The following WLS variants were observed in gnomAD, a reference collection of about 807,000 sequenced individuals.
WLS encodes the protein protein wntless homolog.
WLS carries 23 observed loss-of-function variants against 62.8 expected under a neutral mutation model. The ratio of observed to expected loss-of-function variants is 0.37; its 90% CI spans 0.26 to 0.52. The LOEUF (loss-of-function observed/expected upper bound fraction) is 0.52. Among genes scored for constraint, WLS ranks in the 20% least tolerant of loss-of-function variants. The probability of loss-of-function intolerance (pLI) is 0.92; values close to 1 mark genes in which losing one functional copy is unlikely to be tolerated. For missense variants in WLS, 615 were observed against 697.3 expected, an observed-to-expected ratio of 0.88 and a Z score of 1.33; for synonymous variants, 246 against 244.1, an observed-to-expected ratio of 1.01 and a Z score of -0.07.
intron 2 of WLS, among the ~76,000 whole-genome samples, chr1:68,170,816 A>T (rs1445427625): frequency 6.6e-6 from 1 of 151,608 alleles, no homozygotes; most frequent in African/African-American, 2.4e-5. Flanking sequence ...CTCTCTCCCT[A>T]CCCATCTCCT....
intron 2 of WLS, among the ~76,000 whole-genome samples, chr1:68,193,398 TAAAAAAAAAAAAAAAAAAAAA>T (rs904327955): frequency 1.3e-3 from 20 of 15,434 alleles, no homozygotes; most frequent in East Asian, 0.011. Context: ...GCAAATAAGC[TAAAAAAAAAAAAAAAAAAAAA>T]AAAAAAAAAA....
downstream of WLS, among the ~76,000 whole-genome samples, chr1:68,123,767 T>C (rs1206775648): frequency 6.6e-6 from 1 of 152,092 alleles, no homozygotes; most frequent in Admixed American, 6.5e-5. Flanking sequence ...ACTCCTGTTT[T>C]TAAGTGAGAG....
chr1:68,145,046 T>C (rs928554287), intron 9 of WLS, among the ~76,000 whole-genome samples: 3 of 152,226 alleles, frequency 2.0e-5, no homozygotes, highest in Non-Finnish European at 4.4e-5. Context: ...TTAATCAACA[T>C]GAAGTGGATT....
chr1:68,184,926 G>A (rs977256429), intron 2 of WLS, among the ~76,000 whole-genome samples: 1 of 146,690 alleles, frequency 6.8e-6, no homozygotes, highest in South Asian at 2.3e-4. Context: ...TCCGAGTGAG[G>A]GGAAAAACAA....
intron 1 of WLS, among the ~76,000 whole-genome samples, chr1:68,217,293 C>T (rs544089068): frequency 6.6e-6 from 1 of 152,338 alleles, no homozygotes; most frequent in South Asian, 2.1e-4. Context: ...GTGTTAACTT[C>T]TCCCATGCAC....
rs1649359991 is a variant in WLS at position 68,208,171 on chromosome 1, C to T, written c.107-13944G>A. Among the ~76,000 whole-genome samples the T allele has an allele frequency of 3.9e-5, 6 of 152,330 alleles. No homozygotes were observed. The South Asian group carries it at 1.2e-3, about 32-fold the overall frequency. ...TATTTGAGGGAACACAGAATTAACC[C>T]TTGGTTTTATCCTTAGAAAAATGGG... On this transcript the variant is annotated intron_variant, in intron 1 of 11. Transcript: ENST00000262348.
chr1:68,102,986 CT>C (rs5774906), intron 11 of WLS, among the ~76,000 whole-genome samples: 5 of 151,836 alleles, frequency 3.3e-5, no homozygotes, highest in African/African-American at 9.7e-5. Flanking sequence ...GCTCTGAACC[CT>C]TTTTTTTGCC....
chr1:68,226,776 G>A (rs1431258756), intron 1 of WLS, among the ~76,000 whole-genome samples: 1 of 152,176 alleles, frequency 6.6e-6, no homozygotes, highest in Non-Finnish European at 1.5e-5. Flanking sequence ...AATCAGGCAA[G>A]TAGCACACAG....
In WLS at chr1:68,172,290, T is replaced by A. The variant is rs965793788; in HGVS notation, c.380-13043A>T. Among the ~76,000 whole-genome samples the A allele has an allele frequency of 3.5e-5, 5 of 143,586 alleles. No homozygotes were observed. In the Admixed American group the frequency reaches 3.5e-4, roughly 10 times the overall value. The allele number at this position is 143,586 out of a possible 152,430, so 94.2% of individuals were successfully genotyped here. A position where few individuals can be genotyped will look rare whatever the true frequency, so the allele number is the denominator to read the frequency against. ...CAAACCTGCACATTCTGCACATGTATCCCAGAACTTAAAGTATAATTAAAA... is the reference window on the plus strand; with the variant it reads ...CAAACCTGCACATTCTGCACATGTAACCCAGAACTTAAAGTATAATTAAAA... On this transcript the variant is annotated intron_variant, in intron 2 of 11. Coordinates refer to ENST00000262348, the MANE Select transcript of WLS (RefSeq NM_024911.7).
At chr1:68,162,928 C>T in intron 2 of WLS, 1 of 1,581,236 alleles carries the variant, frequency 6.3e-7, no homozygotes, top group South Asian at 1.1e-5. Context: ...GCCACAGTGG[C>T]CAGGTCTTTC....
At chr1:68,132,784 A>G (rs2100405849) in intron 11 of WLS, among the ~76,000 whole-genome samples, 1 of 152,344 alleles carries the variant, frequency 6.6e-6, no homozygotes, top group South Asian at 2.1e-4. Context: ...AAAGAACACA[A>G]AAATCAAAGC....
chr1:68,230,598 T>TGTGTGTGC (rs1650368006), intron 1 of WLS, among the ~76,000 whole-genome samples: 1 of 151,672 alleles, frequency 6.6e-6, no homozygotes, highest in African/African-American at 2.4e-5. Flanking sequence ...CGTGTGTGTG[T>TGTGTGTGC]GTGTGTGTGT....
At chr1:68,186,501 T>TA (rs5774920) in intron 2 of WLS, 72,280 of 351,944 alleles carry the variant, frequency 0.21, 3,387 homozygotes, top group East Asian at 0.34. Context: ...CACGAAAAGT[T>TA]AAAAAAAAAA....
At chr1:68,138,912 G>A (rs1646649023) in intron 10 of WLS, among the ~76,000 whole-genome samples, 1 of 152,214 alleles carries the variant, frequency 6.6e-6, no homozygotes, top group Non-Finnish European at 1.5e-5. Context: ...TGGCAGGCTA[G>A]ATTGAAATGT....
intron 11 of WLS, among the ~76,000 whole-genome samples, chr1:68,113,428 CTG>C (rs762845585): frequency 2.6e-5 from 4 of 152,194 alleles, no homozygotes; most frequent in Admixed American, 1.3e-4. Flanking sequence ...CTGAGCCACT[CTG>C]TGTTCCAGGC....
In WLS at chr1:68,231,011, G is replaced by A. The variant is rs577572017; in HGVS notation, c.106+1183C>T. ...AGGCACGCGCGGAGAAAGCCCCTCC[G>A]TGGACTCCCCACTCCGCAAAGTTTA... On this transcript the variant is annotated intron_variant, in intron 1 of 11. Coordinates refer to ENST00000262348, the MANE Select transcript of WLS (RefSeq NM_024911.7). Among the ~76,000 whole-genome samples, 31 of 152,284 alleles carry A rather than the reference G, an allele frequency of 2.0e-4. No homozygotes were observed. The East Asian group carries it at 5.8e-3, about 29-fold the overall frequency.
intron 1 of WLS, among the ~76,000 whole-genome samples, chr1:68,203,175 C>T (rs531993435): frequency 5.3e-5 from 8 of 152,268 alleles, no homozygotes; most frequent in African/African-American, 1.7e-4. Flanking sequence ...CATAGATTAT[C>T]GAATCCACCT....
At chr1:68,185,586 G>A (rs767869229) in intron 2 of WLS, among the ~76,000 whole-genome samples, 1 of 152,184 alleles carries the variant, frequency 6.6e-6, no homozygotes, top group Non-Finnish European at 1.5e-5. Context: ...TCATGCAAGG[G>A]ATCTAGGCTG....
chr1:68,192,417 C>T (rs1648361618), intron 2 of WLS, among the ~76,000 whole-genome samples: 1 of 151,432 alleles, frequency 6.6e-6, no homozygotes, highest in Admixed American at 6.6e-5. Flanking sequence ...AGGAGAGACC[C>T]CCATAAAATT....
Sources: allele counts gnomAD v4.1 joint callset (sites outside exome capture counted in the v4.1 genomes callset), GRCh38; gene constraint gnomAD v4.1.1; transcripts MANE v1.5; gene names NCBI Gene and HGNC (gene_info 2026-07-23, HGNC 2026-07-21).